EYS: variants seen among roughly 807,000 people sequenced by gnomAD.
The protein encoded by EYS is EGF-like photoreceptor maintenance factor.
In EYS, 250 loss-of-function variants were observed where a neutral mutation model predicts 282.1. The ratio of observed to expected loss-of-function variants is 0.89; its 90% confidence interval spans 0.80 to 0.98. EYS has a LOEUF of 0.98. EYS is among the 50% of genes least tolerant of loss of function. The pLI, the probability that EYS is intolerant of heterozygous loss-of-function variation, is 0.00. For missense variants in EYS, 4,016 were observed against 3,709.0 expected (o/e 1.08, Z -2.15); for synonymous variants, 1,355 against 1,282.9 (o/e 1.06, Z -1.20).
intron 36 of EYS, among the ~76,000 whole-genome samples, chr6:63,832,300 C>G (rs1273834090): frequency 6.6e-6 from 1 of 151,906 alleles, no homozygotes; most frequent in South Asian, 2.1e-4. Flanking sequence ...AAAAGATCAA[C>G]AAAATTGATA....
chr6:63,917,502 A>G (rs1764455877), intron 35 of EYS, among the ~76,000 whole-genome samples: 1 of 152,192 alleles, frequency 6.6e-6, no homozygotes, highest in African/African-American at 2.4e-5. Context: ...CTCACCTTCA[A>G]CTTTTGTACT....
intron 26 of EYS, among the ~76,000 whole-genome samples, chr6:64,562,842 T>A (rs1234505248): frequency 6.6e-6 from 1 of 151,980 alleles, no homozygotes; most frequent in Non-Finnish European, 1.5e-5. Flanking sequence ...ATGTCTTTCT[T>A]TCTGCCAGAT....
intron 31 of EYS, among the ~76,000 whole-genome samples, chr6:64,110,940 A>C (rs996141678): frequency 6.6e-6 from 1 of 152,000 alleles, no homozygotes; most frequent in Non-Finnish European, 1.5e-5. Context: ...GCAGTACTGA[A>C]TTAGAACCTA....
At chr6:64,342,518 G>C (rs1199592999) in intron 29 of EYS, among the ~76,000 whole-genome samples, 1 of 151,958 alleles carries the variant, frequency 6.6e-6, no homozygotes. Context: ...CAAATGCTGA[G>C]AGATTTTGTC....
rs944103202 is a variant in EYS at position 63,984,520 on chromosome 6, C to T, written c.6918G>A (p.Arg2306=). 3 of 1,549,570 alleles carry T rather than the reference C, an allele frequency of 1.9e-6. No homozygotes were observed. The highest frequency in any genetic ancestry group is 1.7e-6 in the Non-Finnish European group (2 of 1,145,530). ...HKKAGPVYGF[R]GCILDLQVNN... is the part of the protein sequence containing the mutation. ...TTACTTGAAGGTCTAGAATGCAGCC[C>T]CTGAACCCATAAACAGGACCTGCTT... Residue 2306 remains arginine (R), a synonymous_variant, in exon 35 of 43, where the codon AGG becomes AGA. Transcript: ENST00000503581.
At chr6:65,510,824 A>G (rs535632114) in intron 2 of EYS, among the ~76,000 whole-genome samples, 1 of 152,316 alleles carries the variant, frequency 6.6e-6, no homozygotes, top group South Asian at 2.1e-4. Context: ...TAATTCTAAA[A>G]TAGTATTACT....
rs1334897272 is a variant in EYS, at chr6:63,722,790, A to G, written c.8234-993T>C. On this transcript the variant is annotated intron_variant, in intron 42 of 42. Coordinates refer to ENST00000503581, the MANE Select transcript of EYS (RefSeq NM_001142800.2). Reference sequence around the variant, plus strand: ...CCTGCAAATGGTGTTCTTTCCTTCTATTCTCCATTGTGGTCTATACCAAGC... The same window carrying G: ...CCTGCAAATGGTGTTCTTTCCTTCTGTTCTCCATTGTGGTCTATACCAAGC... 4.6e-5 allele frequency among the ~76,000 whole-genome samples: 7 copies of G among 152,176 alleles called. No homozygotes were observed. In the South Asian group the frequency reaches 6.2e-4, roughly 14 times the overall value.
chr6:64,515,512 T>G (rs565617186), intron 26 of EYS, among the ~76,000 whole-genome samples: 44 of 151,582 alleles, frequency 2.9e-4, no homozygotes, highest in Admixed American at 4.6e-4. Context: ...TTTTAGTCAT[T>G]TTGGTATTTT....
chr6:65,007,836 C>T (rs1024841380), intron 13 of EYS, among the ~76,000 whole-genome samples: 1 of 152,168 alleles, frequency 6.6e-6, no homozygotes, highest in Non-Finnish European at 1.5e-5. Flanking sequence ...TAGGTAAATT[C>T]TCAGATAACC....
chr6:64,575,292 G>A (rs1765846457), intron 26 of EYS, among the ~76,000 whole-genome samples: 1 of 150,944 alleles, frequency 6.6e-6, no homozygotes, highest in South Asian at 2.1e-4. Context: ...CAAAGAAAAG[G>A]GAAAATAAAG....
At chr6:64,897,282 C>T (rs1048237770) in intron 18 of EYS, among the ~76,000 whole-genome samples, 2 of 152,144 alleles carry the variant, frequency 1.3e-5, no homozygotes, top group African/African-American at 4.8e-5. Flanking sequence ...TGCCTTTCTG[C>T]AGCCTCCACT....
chr6:65,701,830 G>T (rs1421452180), intron 1 of EYS, among the ~76,000 whole-genome samples: 2 of 152,144 alleles, frequency 1.3e-5, no homozygotes, highest in Non-Finnish European at 2.9e-5. Context: ...TATATATAGA[G>T]AGAGTTTTTT....
intron 42 of EYS, among the ~76,000 whole-genome samples, chr6:63,724,720 C>T (rs1174016336): frequency 6.6e-6 from 1 of 152,010 alleles, no homozygotes; most frequent in Non-Finnish European, 1.5e-5. Context: ...TTAAATTTTA[C>T]ACTACTTGAG....
intron 2 of EYS, among the ~76,000 whole-genome samples, chr6:65,609,335 C>CAAAA (rs777614150): frequency 3.0e-4 from 15 of 49,536 alleles, no homozygotes; most frequent in Admixed American, 6.6e-4. Flanking sequence ...TCCAAGATAG[C>CAAAA]CAAAAAAAAA....
chr6:65,629,312 G>A (rs1766830477), intron 2 of EYS, among the ~76,000 whole-genome samples: 1 of 152,116 alleles, frequency 6.6e-6, no homozygotes, highest in Admixed American at 6.5e-5. Flanking sequence ...TTATTCTGAA[G>A]CTGTCATCAC....
At chr6:64,671,392 G>A (rs1166594557) in intron 22 of EYS, among the ~76,000 whole-genome samples, 2 of 152,156 alleles carry the variant, frequency 1.3e-5, no homozygotes, top group Non-Finnish European at 2.9e-5. Context: ...AAGAACCAGA[G>A]AGAGAGCCCT....
intron 5 of EYS, among the ~76,000 whole-genome samples, chr6:65,432,658 AT>A (rs958533796): frequency 9.9e-5 from 15 of 152,122 alleles, no homozygotes; most frequent in African/African-American, 3.4e-4. Context: ...CTTATAGGGC[AT>A]TTTGAAGGCT....
chr6:65,352,498 G>C (rs145213655), intron 9 of EYS, among the ~76,000 whole-genome samples: 129 of 152,008 alleles, frequency 8.5e-4, no homozygotes, highest in South Asian at 2.1e-3. Context: ...GATTGCGATA[G>C]AAATTGAAAC....
intron 14 of EYS, among the ~76,000 whole-genome samples, chr6:64,994,890 T>C (rs2150124589): frequency 6.6e-6 from 1 of 152,280 alleles, no homozygotes; most frequent in East Asian, 1.9e-4. Flanking sequence ...TAACTCAAAA[T>C]TCAGGGCTCA....
Sources: allele counts gnomAD v4.1 joint callset (sites outside exome capture counted in the v4.1 genomes callset), GRCh38; gene constraint gnomAD v4.1.1; transcripts MANE v1.5; gene names NCBI Gene and HGNC (gene_info 2026-07-23, HGNC 2026-07-21).